The following KDM6A variants were observed in gnomAD, a reference collection of about 807,000 sequenced individuals.
KDM6A encodes the protein lysine-specific demethylase 6A.
In KDM6A, 11 loss-of-function variants were observed where a neutral mutation model predicts 117.6. The observed-to-expected ratio is 0.09, with a 90% confidence interval of 0.06 to 0.15. KDM6A has a LOEUF of 0.15. Among genes scored for constraint, KDM6A ranks in the 10% least tolerant of loss-of-function variants. The pLI, the probability that KDM6A is intolerant of heterozygous loss-of-function variation, is 1.00. For missense variants in KDM6A, 799 were observed against 1,077.3 expected, an observed-to-expected ratio of 0.74 and a Z score of 3.62; for synonymous variants, 384 against 396.1, an observed-to-expected ratio of 0.97 and a Z score of 0.36.
rs562566657 is a variant in KDM6A, at chrX:44,899,715, A to G, written c.225+25728A>G. On this transcript the variant is annotated intron_variant, in intron 2 of 29. Transcript: ENST00000611820. ...TCTTTCCACTTTTCAGATACTTTCT[A>G]TGCTTGTTTGTTGTATTATGTTCAG... 1.9e-4 allele frequency among the ~76,000 whole-genome samples: 21 copies of G among 111,214 alleles called. No homozygotes were observed. The South Asian group carries it at 4.5e-3, about 24-fold the overall frequency.
At chrX:45,030,749 G>A (rs933153643) in intron 6 of KDM6A, among the ~76,000 whole-genome samples, 1 of 110,326 alleles carries the variant, frequency 9.1e-6, no homozygotes, top group African/African-American at 3.3e-5. Context: ...TCACTCTGTC[G>A]CCCATGCTGG....
intron 4 of KDM6A, among the ~76,000 whole-genome samples, chrX:44,991,321 TTC>T (rs747941440): frequency 2.7e-5 from 3 of 109,284 alleles, no homozygotes; most frequent in Admixed American, 9.7e-5. Context: ...TCTTTTTCTC[TTC>T]TCTCTCTCTC....
At chrX:45,071,769 G>GTCTTTTCTTT (rs1445873972) in intron 18 of KDM6A, among the ~76,000 whole-genome samples, 1 of 109,603 alleles carries the variant, frequency 9.1e-6, no homozygotes, top group Non-Finnish European at 1.9e-5. Flanking sequence ...GTCTTTTCTT[G>GTCTTTTCTTT]TCTTTTCTTG....
At position 45,069,732 on chromosome X, in the gene KDM6A, G is replaced by A. The variant is rs1044524871; in HGVS notation, c.2233G>A (p.Gly745Arg). The A allele has an allele frequency of 1.7e-6, 2 of 1,209,752 alleles. No homozygotes were observed. The highest frequency in any genetic ancestry group is 2.2e-6 in the Non-Finnish European group (2 of 894,762). ...PTLPSNSVTQ[G>R]AALNHLSSHT... ...CCTGCCTAGCAATTCAGTAACACAG[G>A]GGGCTGCTCTCAATCACCTCTCCTC... is the stretch of plus-strand genomic sequence containing the variant. Residue 745 changes from glycine (G) to arginine (R), a missense_variant, in exon 18 of 30, where the codon GGG becomes AGG. Transcript: ENST00000611820.
At position 45,063,671 on chromosome X, in the gene KDM6A, A is replaced by G. The variant is rs1473735624; in HGVS notation, c.1933A>G (p.Ile645Val). 8.3e-7 allele frequency: 1 copy of G among 1,208,323 alleles called. No homozygotes were observed. Among genetic ancestry groups the G allele is most frequent in the Non-Finnish European group, 1.1e-6 (1 of 894,343 alleles). The change falls in exon 17 of 30, where the codon ATA becomes GTA. Residue 645 changes from isoleucine to valine, a missense_variant. By Grantham distance (29) the Ile-to-Val change is conservative. Coordinates refer to ENST00000611820, the MANE Select transcript of KDM6A (RefSeq NM_001291415.2). ...RTLGSTDTIL[I>V]GNNHITGSGS... ...GCTGGGAAGTACAGACACTATTTTG[A>G]TAGGCAATAATCATATAACAGGAAG...
intron 2 of KDM6A, among the ~76,000 whole-genome samples, chrX:44,945,248 T>C (rs916897135): frequency 1.8e-5 from 2 of 111,603 alleles, no homozygotes; most frequent in Non-Finnish European, 3.8e-5. Context: ...ACATGTGCTG[T>C]AGCCTGAAAA....
intron 6 of KDM6A, among the ~76,000 whole-genome samples, chrX:45,030,044 G>GATTCCC (rs1019679144): frequency 1.8e-5 from 2 of 111,237 alleles, no homozygotes; most frequent in Non-Finnish European, 3.8e-5. Context: ...TGTGGGAAGA[G>GATTCCC]ATTCCCATTT....
At chrX:45,064,582 A>G (rs958687833) in intron 17 of KDM6A, among the ~76,000 whole-genome samples, 2 of 112,269 alleles carry the variant, frequency 1.8e-5, no homozygotes, top group African/African-American at 6.5e-5. Context: ...AGTATTTCCC[A>G]TATTTTGGAT....
intron 27 of KDM6A, among the ~76,000 whole-genome samples, chrX:45,097,172 C>T (rs1249971723): frequency 2.0e-4 from 22 of 110,058 alleles, no homozygotes; most frequent in East Asian, 2.9e-4. Flanking sequence ...ACCACATGGA[C>T]GCATAGAGGG....
intron 6 of KDM6A, among the ~76,000 whole-genome samples, chrX:45,023,048 CTTA>C (rs2042234457): frequency 8.9e-6 from 1 of 112,346 alleles, no homozygotes; most frequent in Non-Finnish European, 1.9e-5. Context: ...CACCTTGCAT[CTTA>C]TTGGCCAGAA....
chrX:44,942,022 A>G (rs1423497152), intron 2 of KDM6A, among the ~76,000 whole-genome samples: 2 of 105,991 alleles, frequency 1.9e-5, no homozygotes, highest in Non-Finnish European at 3.9e-5. Flanking sequence ...CAGTTCTACC[A>G]CCATTTGTTG....
chrX:44,948,393 T>C (rs1264817403), intron 2 of KDM6A, among the ~76,000 whole-genome samples: 1 of 111,926 alleles, frequency 8.9e-6, no homozygotes, highest in Non-Finnish European at 1.9e-5. Flanking sequence ...GAGCTGTGTG[T>C]GCATGGTTAA....
chrX:44,983,860 G>A (rs113348931), intron 4 of KDM6A, among the ~76,000 whole-genome samples: 3,843 of 108,356 alleles, frequency 0.035, 71 homozygotes, highest in Middle Eastern at 0.08. Flanking sequence ...GAATAGTGCC[G>A]CAATAAACAT....
At chrX:45,086,760 T>C (rs772823998) in intron 25 of KDM6A, among the ~76,000 whole-genome samples, 1 of 112,258 alleles carries the variant, frequency 8.9e-6, no homozygotes, top group East Asian at 2.8e-4. Context: ...TACTCTCTTC[T>C]TTTCTAGAAC....
chrX:45,045,751 A>G (rs1279235703), intron 8 of KDM6A, among the ~76,000 whole-genome samples: 1 of 111,450 alleles, frequency 9.0e-6, no homozygotes. Context: ...CATTTTGTTT[A>G]TCCATTTCAT....
chrX:44,974,973 C>T lies in KDM6A; in HGVS notation c.384+258C>T, dbSNP rs761215515. On this transcript the variant is annotated intron_variant, in intron 4 of 29. Transcript: ENST00000611820. ...TAATAGAAGTGTGATAAGTAAAAAT[C>T]AAGCAAAACTAAACAAATAACAATA... is the stretch of plus-strand genomic sequence containing the variant. 8.0e-5 allele frequency among the ~76,000 whole-genome samples: 9 copies of T among 111,905 alleles called. No homozygotes were observed. In the South Asian group the frequency reaches 2.9e-3, roughly 37 times the overall value.
At chrX:45,025,692 C>T (rs1223927182) in intron 6 of KDM6A, among the ~76,000 whole-genome samples, 2 of 111,871 alleles carry the variant, frequency 1.8e-5, no homozygotes, top group Admixed American at 1.9e-4. Flanking sequence ...TCAGTTAATG[C>T]CTGTGCATCT....
chrX:45,084,523 G>A (rs962691278), intron 24 of KDM6A, among the ~76,000 whole-genome samples: 2 of 111,766 alleles, frequency 1.8e-5, no homozygotes, highest in African/African-American at 3.2e-5. Flanking sequence ...TTACTGAGTC[G>A]TGCTTAAGAA....
intron 4 of KDM6A, among the ~76,000 whole-genome samples, chrX:45,007,693 C>G (rs753190425): frequency 1.8e-5 from 2 of 112,142 alleles, no homozygotes; most frequent in South Asian, 3.7e-4. Flanking sequence ...AGTGATCACT[C>G]CTGCCTTTAT....
Sources: allele counts gnomAD v4.1 joint callset (sites outside exome capture counted in the v4.1 genomes callset), GRCh38; gene constraint gnomAD v4.1.1; transcripts MANE v1.5; gene names NCBI Gene and HGNC (gene_info 2026-07-23, HGNC 2026-07-21).